Variants in SCMH1 observed in about 807,000 individuals in gnomAD.
SCMH1 encodes Scm polycomb group protein homolog 1.
A neutral mutation model predicts 70.8 loss-of-function variants in SCMH1; 37 were observed. The ratio of observed to expected loss-of-function variants is 0.52; its 90% CI spans 0.40 to 0.69. The LOEUF (loss-of-function observed/expected upper bound fraction) is 0.69. Among genes scored for constraint, SCMH1 ranks in the 30% least tolerant of loss-of-function variants. The probability of loss-of-function intolerance (pLI) is 0.00; values close to 1 mark genes in which losing one functional copy is unlikely to be tolerated. For synonymous variants in SCMH1, 292 were observed against 307.4 expected, an observed-to-expected ratio of 0.95 and a Z score of 0.52; for missense variants, 607 against 827.3, an observed-to-expected ratio of 0.73 and a Z score of 3.27.
At chr1:41,028,529 C>T in intron 14 of SCMH1, 55 bp downstream of exon 15, 1 of 1,606,090 alleles carries the variant, frequency 6.2e-7, no homozygotes, top group Non-Finnish European at 8.5e-7. Flanking sequence ...ATTGTCCCCA[C>T]CAGGTGAGGC....
chr1:41,028,591 CG>C lies in SCMH1; in HGVS notation c.1813del (p.Arg605AlafsTer17), dbSNP rs1337917089. The C allele has an allele frequency of 6.2e-7, 1 of 1,613,992 alleles. No individual in the cohort carries two copies. The highest frequency in any genetic ancestry group is 8.5e-7 in the Non-Finnish European group (1 of 1,180,018). On this transcript the variant is annotated frameshift_variant, in exon 14 of 15. Transcript: ENST00000337495. LOFTEE classifies it high-confidence loss of function. ...TCAGGCAGCAGCACCTACGTGTTTG[CG>C]AAACAGGTCAGCGTGGGGTCCAAGC...
chr1:41,110,607 C>G (rs984984363), intron 8 of SCMH1, among the ~76,000 whole-genome samples: 1 of 152,186 alleles, frequency 6.6e-6, no homozygotes, highest in Non-Finnish European at 1.5e-5. Flanking sequence ...TATACTGTAG[C>G]ATGTATTAGT....
At chr1:41,127,557 T>G (rs1673521377) in intron 6 of SCMH1, among the ~76,000 whole-genome samples, 1 of 152,208 alleles carries the variant, frequency 6.6e-6, no homozygotes, top group African/African-American at 2.4e-5. Context: ...TATTAACTTA[T>G]CCCAATGTCA....
chr1:41,074,743 G>C (rs924249098), intron 9 of SCMH1, among the ~76,000 whole-genome samples: 5 of 152,128 alleles, frequency 3.3e-5, no homozygotes, highest in Non-Finnish European at 7.4e-5. Flanking sequence ...CCAACTCTCA[G>C]GTAAGTAGCA....
chr1:41,062,568 C>T (rs928744688), intron 10 of SCMH1, among the ~76,000 whole-genome samples: 5 of 151,742 alleles, frequency 3.3e-5, no homozygotes, highest in Admixed American at 3.3e-4. Context: ...GGTGAAACCC[C>T]ATCCTACTAA....
intron 6 of SCMH1, among the ~76,000 whole-genome samples, chr1:41,140,311 T>A (rs373623439): frequency 7.4e-6 from 1 of 135,256 alleles, no homozygotes; most frequent in African/African-American, 2.8e-5. Flanking sequence ...TTTTTTTTTT[T>A]AGACGCAGTC....
chr1:41,241,009 C>CA (rs939462476), intron 1 of SCMH1, among the ~76,000 whole-genome samples: 1 of 152,168 alleles, frequency 6.6e-6, no homozygotes, highest in Admixed American at 6.5e-5. Flanking sequence ...TGATTACTAT[C>CA]TTCAGATATC....
intron 6 of SCMH1, among the ~76,000 whole-genome samples, chr1:41,132,672 G>A (rs1223124820): frequency 2.0e-5 from 3 of 152,130 alleles, no homozygotes; most frequent in Non-Finnish European, 4.4e-5. Context: ...GGCTTTTACA[G>A]GTTTAGGTTT....
intron 6 of SCMH1, among the ~76,000 whole-genome samples, chr1:41,133,350 G>A (rs1259829505): frequency 2.6e-5 from 4 of 151,918 alleles, no homozygotes; most frequent in African/African-American, 7.3e-5. Flanking sequence ...ATCTAAAATC[G>A]ACACCCTAAC....
chr1:41,241,867 G>C (rs944902652), intron 1 of SCMH1, among the ~76,000 whole-genome samples, 192 bp downstream of exon 1: 1 of 151,696 alleles, frequency 6.6e-6, no homozygotes, highest in Admixed American at 6.6e-5. Flanking sequence ...GGGCCGGGCT[G>C]ACACGGCCGA....
chr1:41,193,634 A>G (rs1652284879), intron 1 of SCMH1, among the ~76,000 whole-genome samples: 1 of 152,182 alleles, frequency 6.6e-6, no homozygotes, highest in African/African-American at 2.4e-5. Flanking sequence ...GGAATTGAAC[A>G]TAGAAATGGA....
At chr1:41,039,660 G>A (rs1645834579) in intron 12 of SCMH1, among the ~76,000 whole-genome samples, 1 of 151,436 alleles carries the variant, frequency 6.6e-6, no homozygotes, top group Admixed American at 6.6e-5. Context: ...TTTTAGCAGA[G>A]ATGGGATTTT....
intron 1 of SCMH1, among the ~76,000 whole-genome samples, chr1:41,204,051 A>G (rs1311121064): frequency 2.0e-5 from 3 of 152,178 alleles, no homozygotes; most frequent in African/African-American, 7.2e-5. Context: ...TCTATAAGGC[A>G]GGCACTATTA....
intron 1 of SCMH1, among the ~76,000 whole-genome samples, chr1:41,198,492 C>A (rs1366328054): frequency 6.6e-6 from 1 of 152,128 alleles, no homozygotes; most frequent in Non-Finnish European, 1.5e-5. Flanking sequence ...AAGTAACTTC[C>A]TCAGTTTTTA....
At chr1:41,036,862 A>G (rs1286471176) in intron 13 of SCMH1, among the ~76,000 whole-genome samples, 1 of 152,152 alleles carries the variant, frequency 6.6e-6, no homozygotes, top group Non-Finnish European at 1.5e-5. Context: ...GGCCATTTAT[A>G]CAGTCTCAGG....
rs558841956 is a variant in SCMH1 at position 41,061,744 on chromosome 1, T to C, written c.1105+8851A>G. 3.3e-5 allele frequency among the ~76,000 whole-genome samples: 5 copies of C among 152,360 alleles called. No homozygotes were observed. In the South Asian group the frequency reaches 8.3e-4, roughly 25 times the overall value. On this transcript the variant is annotated intron_variant, in intron 10 of 14. Transcript: ENST00000337495. ...CAACTGAAATATAGTTGGCATCTAT[T>C]GACGACTTCATCCAACAACAGCAGG...
intron 6 of SCMH1, among the ~76,000 whole-genome samples, chr1:41,130,949 T>G (rs1229011881): frequency 6.6e-6 from 1 of 152,114 alleles, no homozygotes; most frequent in African/African-American, 2.4e-5. Flanking sequence ...TTTTCTTTTG[T>G]TTTTTTGTGC....
chr1:41,190,552 A>G (rs1026348545), intron 1 of SCMH1, among the ~76,000 whole-genome samples: 2 of 152,218 alleles, frequency 1.3e-5, no homozygotes, highest in African/African-American at 4.8e-5. Flanking sequence ...ATTAGGAGGA[A>G]GAGGGAGGCT....
Position 41,126,284 on chromosome 1 carries a change from T to C in SCMH1, c.413-9274A>G, listed in dbSNP as rs956825212. On this transcript the variant is annotated intron_variant, in intron 6 of 14. Coordinates refer to ENST00000337495, the Ensembl canonical transcript of SCMH1. Reference sequence around the variant, plus strand: ...ACTGTGAAGGTTCTATGTTAAAATTTTATTTGAATTAATAGTTTTTTCAAT... The same window carrying C: ...ACTGTGAAGGTTCTATGTTAAAATTCTATTTGAATTAATAGTTTTTTCAAT... Among the ~76,000 whole-genome samples, 7 of 152,190 alleles carry C rather than the reference T, an allele frequency of 4.6e-5. No homozygotes were observed. In the South Asian group the frequency reaches 6.2e-4, roughly 13 times the overall value.
Sources: gnomAD v4.1 joint callset for allele counts (sites outside exome capture counted in the v4.1 genomes callset) on GRCh38, gnomAD v4.1.1 for gene constraint, MANE v1.5 for transcripts, NCBI Gene and HGNC (gene_info 2026-07-23, HGNC 2026-07-21) for gene names.